Variants in CDIN1 observed in about 807,000 individuals in gnomAD.
The protein encoded by CDIN1 is CDAN1 interacting nuclease 1, also known as CDAN1-interacting nuclease 1.
In CDIN1, 33 loss-of-function variants were observed where a neutral mutation model predicts 45.3. That is an observed-to-expected ratio of 0.73 (90% CI 0.55 to 0.97). The LOEUF (loss-of-function observed/expected upper bound fraction) is 0.97. CDIN1 is among the 50% of genes least tolerant of loss of function. The pLI, the probability that CDIN1 is intolerant of heterozygous loss-of-function variation, is 0.00. For synonymous variants in CDIN1, 118 were observed against 124.4 expected, an observed-to-expected ratio of 0.95 and a Z score of 0.34; for missense variants, 303 against 339.4, an observed-to-expected ratio of 0.89 and a Z score of 0.84.
At chr15:36,704,317 G>A (rs1158927545) in intron 8 of CDIN1, 1 of 152,090 alleles carries the variant, frequency 6.6e-6, no homozygotes, top group Non-Finnish European at 1.5e-5. Flanking sequence ...TGGGGGAAGA[G>A]GTTGAAACTA....
At chr15:36,788,344 A>T (rs188466370) in intron 10 of CDIN1, among the ~76,000 whole-genome samples, 1 of 151,620 alleles carries the variant, frequency 6.6e-6, no homozygotes, top group Non-Finnish European at 1.5e-5. Flanking sequence ...TTGAACTCCC[A>T]AAGTGCTGGG....
At chr15:36,682,903 T>C (rs958322490) in intron 5 of CDIN1, among the ~76,000 whole-genome samples, 7 of 151,858 alleles carry the variant, frequency 4.6e-5, no homozygotes, top group African/African-American at 1.7e-4. Context: ...ACAAACAAGA[T>C]TGTTGAACAA....
At chr15:36,771,118 C>T (rs191819267) in intron 10 of CDIN1, among the ~76,000 whole-genome samples, 5 of 152,294 alleles carry the variant, frequency 3.3e-5, no homozygotes, top group Admixed American at 3.3e-4. Context: ...GGAGGAAACC[C>T]AGGCCATTCT....
intron 5 of CDIN1, among the ~76,000 whole-genome samples, chr15:36,662,681 T>C (rs1387173284): frequency 6.6e-6 from 1 of 152,136 alleles, no homozygotes; most frequent in Non-Finnish European, 1.5e-5. Context: ...TGTCAAGAGC[T>C]ATTTGAATCC....
rs148235409 is a variant in CDIN1 at position 36,584,782 on chromosome 15, A to G, written c.101+4821A>G. ...CATCATTGAGATGTGGAAGGAAACC[A>G]GAGTACTGGGAGAAAGTTCACGCAG... On this transcript the variant is annotated intron_variant, in intron 1 of 10. Coordinates refer to ENST00000566621, the MANE Select transcript of CDIN1 (RefSeq NM_001321759.2). 3.0e-3 allele frequency among the ~76,000 whole-genome samples: 458 copies of G among 152,322 alleles called. 3 individuals are homozygous for G. The highest frequency in any genetic ancestry group is 0.01 in the African/African-American group (433 of 41,566).
At chr15:36,714,639 C>T (rs569583034) in intron 10 of CDIN1, among the ~76,000 whole-genome samples, 1 of 152,284 alleles carries the variant, frequency 6.6e-6, no homozygotes, top group East Asian at 1.9e-4. Context: ...GGTGGTCCCA[C>T]TGCACAGCCT....
chr15:36,757,633 C>T (rs1263086491), intron 10 of CDIN1, among the ~76,000 whole-genome samples: 2 of 152,108 alleles, frequency 1.3e-5, no homozygotes, highest in Admixed American at 6.6e-5. Flanking sequence ...ATCCCCTTGC[C>T]CAGCACATCC....
At chr15:36,780,823 A>G (rs956914312) in intron 10 of CDIN1, among the ~76,000 whole-genome samples, 4 of 152,236 alleles carry the variant, frequency 2.6e-5, no homozygotes, top group African/African-American at 9.6e-5. Context: ...TGGCCGAGCT[A>G]GGAATCCAAC....
At chr15:36,625,624 A>G (rs1281703252) in intron 1 of CDIN1, among the ~76,000 whole-genome samples, 2 of 152,224 alleles carry the variant, frequency 1.3e-5, no homozygotes. Context: ...TGCAGCCACA[A>G]ACTTGTTTTC....
At chr15:36,628,517 T>C (rs1040113355) in intron 1 of CDIN1, among the ~76,000 whole-genome samples, 5 of 152,188 alleles carry the variant, frequency 3.3e-5, no homozygotes, top group Non-Finnish European at 5.9e-5. Context: ...GTGGTAAATA[T>C]CTAGAAGTGC....
intron 3 of CDIN1, among the ~76,000 whole-genome samples, chr15:36,650,153 A>G (rs936414687): frequency 3.9e-5 from 6 of 152,206 alleles, no homozygotes; most frequent in African/African-American, 1.4e-4. Flanking sequence ...CAATATTTCT[A>G]AACTTTGCTA....
intron 10 of CDIN1, among the ~76,000 whole-genome samples, chr15:36,806,083 C>T (rs573401873): frequency 1.6e-4 from 24 of 152,296 alleles, no homozygotes; most frequent in African/African-American, 5.5e-4. Flanking sequence ...ATTAATGAAT[C>T]CTACTCAAAA....
intron 1 of CDIN1, among the ~76,000 whole-genome samples, chr15:36,610,592 T>G (rs1328700429): frequency 1.3e-5 from 2 of 152,212 alleles, no homozygotes; most frequent in Non-Finnish European, 2.9e-5. Flanking sequence ...TATGTGGGTG[T>G]GTATTTTTGT....
intron 2 of CDIN1, 24 bp from the exon 3 acceptor site, chr15:36,645,199 G>A (rs1187328990): frequency 6.5e-7 from 1 of 1,530,434 alleles, no homozygotes; most frequent in Admixed American, 2.0e-5. Context: ...AGATTTTTTT[G>A]TGTTGTTGTT....
At chr15:36,782,751 C>T (rs1313968722) in intron 10 of CDIN1, among the ~76,000 whole-genome samples, 1 of 152,160 alleles carries the variant, frequency 6.6e-6, no homozygotes, top group Middle Eastern at 3.2e-3. Flanking sequence ...GATGACGTTT[C>T]ATCATCAGAT....
intron 1 of CDIN1, among the ~76,000 whole-genome samples, chr15:36,643,802 T>C (rs965432276): frequency 6.6e-6 from 1 of 152,214 alleles, no homozygotes; most frequent in Non-Finnish European, 1.5e-5. Context: ...GTGCTACTTC[T>C]AGTAAAGACC....
chr15:36,616,851 G>A (rs547102646), intron 1 of CDIN1, among the ~76,000 whole-genome samples: 2 of 152,084 alleles, frequency 1.3e-5, no homozygotes, highest in African/African-American at 4.8e-5. Context: ...CTTGGACCTG[G>A]GAGGCAGAGG....
At chr15:36,797,389 A>G (rs2054837637) in intron 10 of CDIN1, among the ~76,000 whole-genome samples, 2 of 152,302 alleles carry the variant, frequency 1.3e-5, no homozygotes, top group South Asian at 4.1e-4. Context: ...AACTGATTGT[A>G]TTTAAAGGAA....
chr15:36,747,017 G>A (rs2140958488), intron 10 of CDIN1: 1 of 397,998 alleles, frequency 2.5e-6, no homozygotes, highest in East Asian at 3.6e-5. Flanking sequence ...CCAAAGTGCT[G>A]GAATTACAGG....
Sources: allele counts gnomAD v4.1 joint callset (sites outside exome capture counted in the v4.1 genomes callset), GRCh38; gene constraint gnomAD v4.1.1; transcripts MANE v1.5; gene names NCBI Gene and HGNC (gene_info 2026-07-23, HGNC 2026-07-21).